The following KHDRBS2 variants were observed in gnomAD, a reference collection of about 807,000 sequenced individuals.
KHDRBS2 encodes KH RNA binding domain containing, signal transduction associated 2.
A neutral mutation model predicts 44.3 loss-of-function variants in KHDRBS2; 26 were observed. The observed-to-expected ratio is 0.59, with a 90% CI of 0.43 to 0.81. KHDRBS2 has a LOEUF of 0.81. KHDRBS2 is among the 40% of genes least tolerant of loss of function. KHDRBS2 has a pLI of 0.00. For missense variants in KHDRBS2, 476 were observed against 433.1 expected (o/e 1.10, Z -0.88); for synonymous variants, 194 against 151.1 (o/e 1.28, Z -2.08).
chr6:61,615,879 TAG>T, the KHDRBS2 span, among the ~76,000 whole-genome samples: 1 of 152,212 alleles, frequency 6.6e-6, no homozygotes, highest in Admixed American at 6.5e-5. Flanking sequence ...GAGGAAAAAT[TAG>T]AGATATGGCC....
chr6:61,996,568 T>C (rs530872297), intron 3 of KHDRBS2, among the ~76,000 whole-genome samples: 1 of 152,282 alleles, frequency 6.6e-6, no homozygotes, highest in Non-Finnish European at 1.5e-5. Flanking sequence ...GAATGGTTAG[T>C]AGAGGGCAAA....
the KHDRBS2 span, among the ~76,000 whole-genome samples, chr6:61,648,837 C>T: frequency 2.4e-4 from 37 of 152,162 alleles, no homozygotes; most frequent in African/African-American, 7.7e-4. Context: ...AGATTTAGTG[C>T]GGCCCTCCTA....
At chr6:61,919,292 G>A (rs1446731987) in intron 4 of KHDRBS2, among the ~76,000 whole-genome samples, 2 of 151,832 alleles carry the variant, frequency 1.3e-5, no homozygotes, top group Non-Finnish European at 2.9e-5. Context: ...AAATACAAAA[G>A]GAAGACATCT....
At chr6:61,963,356 A>C (rs1274516311) in intron 4 of KHDRBS2, among the ~76,000 whole-genome samples, 1 of 152,112 alleles carries the variant, frequency 6.6e-6, no homozygotes, top group Non-Finnish European at 1.5e-5. Context: ...GAACTAACTC[A>C]CTTTACAAAA....
intron 6 of KHDRBS2, among the ~76,000 whole-genome samples, chr6:61,793,891 G>T (rs1192072): frequency 0.64 from 97,361 of 151,812 alleles, 31,953 homozygotes; most frequent in African/African-American, 0.79. Flanking sequence ...CTTTGAATTA[G>T]AGGGGTGTTA....
intron 1 of KHDRBS2, among the ~76,000 whole-genome samples, chr6:62,194,677 T>C (rs1040961485): frequency 4.0e-5 from 6 of 151,382 alleles, no homozygotes; most frequent in African/African-American, 1.5e-4. Flanking sequence ...CAGCTAACTT[T>C]TGTATTTTTA....
the KHDRBS2 span, among the ~76,000 whole-genome samples, chr6:61,618,208 T>C: frequency 6.6e-6 from 1 of 152,170 alleles, no homozygotes; most frequent in East Asian, 1.9e-4. Flanking sequence ...GGGGCACTAT[T>C]TTGAGTCCAA....
chr6:61,823,410 C>T (rs995824630), intron 6 of KHDRBS2, among the ~76,000 whole-genome samples: 1 of 151,982 alleles, frequency 6.6e-6, no homozygotes, highest in Non-Finnish European at 1.5e-5. Flanking sequence ...ATTCTTTACA[C>T]AAATTTTATG....
At chr6:61,721,625 A>G (rs1479908839) in intron 7 of KHDRBS2, among the ~76,000 whole-genome samples, 1 of 125,460 alleles carries the variant, frequency 8.0e-6, no homozygotes, top group African/African-American at 2.7e-5. Flanking sequence ...TTATACATTG[A>G]TTTTGTATCC....
rs1698148052 is a variant in KHDRBS2 at position 61,973,670 on chromosome 6, GTTACACAC to G, written c.483+4388_483+4395del. Among the ~76,000 whole-genome samples, 3 of 151,966 alleles carry G rather than the reference GTTACACAC, an allele frequency of 2.0e-5. No individual in the cohort carries two copies. In the South Asian group the frequency reaches 6.2e-4, roughly 32 times the overall value. On this transcript the variant is annotated intron_variant, in intron 4 of 8. Transcript: ENST00000281156. The stretch of plus-strand genomic sequence containing the variant: ...AATCTTATATATGAGTCTAGTAACA[GTTACACAC>G]ATACACACACACGTTTACATAAGTA...
chr6:62,017,301 C>A (rs151156934), intron 3 of KHDRBS2, among the ~76,000 whole-genome samples: 2,459 of 152,152 alleles, frequency 0.016, 32 homozygotes, highest in Middle Eastern at 0.061. Context: ...AATATTTAGA[C>A]TTGCCACCAG....
At chr6:62,246,183 T>C (rs1431654717) in intron 1 of KHDRBS2, among the ~76,000 whole-genome samples, 1 of 149,866 alleles carries the variant, frequency 6.7e-6, no homozygotes, top group Non-Finnish European at 1.5e-5. Context: ...CCTTGTTTTA[T>C]CTGTAAAAGA....
chr6:61,631,588 C>A, the KHDRBS2 span, among the ~76,000 whole-genome samples: 2 of 152,120 alleles, frequency 1.3e-5, no homozygotes, highest in African/African-American at 4.8e-5. Context: ...GAATGTCAAC[C>A]AGAGAATTCT....
Position 62,286,156 on chromosome 6 carries a change from C to T in KHDRBS2, c.-208G>A. The T allele has an allele frequency of 1.8e-6, 1 of 556,140 alleles. No homozygotes were observed. Among genetic ancestry groups the T allele is most frequent in the East Asian group, 3.3e-5 (1 of 30,278 alleles). The allele number at this position is 556,140 out of a possible 1,614,324, so 34.5% of individuals were successfully genotyped here. A position where few individuals can be genotyped will look rare whatever the true frequency, so the allele number is the denominator to read the frequency against. ...CCGCGCCCACACCTGCCCGTCCCTT[C>T]CGTCGTCCCTCGCTCGCGCAGAGCC... On this transcript the variant is annotated 5_prime_UTR_variant, in exon 1 of 9. Transcript: ENST00000281156.
At chr6:62,242,602 T>C (rs1264811896) in intron 1 of KHDRBS2, among the ~76,000 whole-genome samples, 3 of 151,920 alleles carry the variant, frequency 2.0e-5, no homozygotes, top group African/African-American at 4.8e-5. Context: ...AGGAGAACCA[T>C]TGGTAATACA....
At position 61,708,309 on chromosome 6, in the gene KHDRBS2, A is replaced by T. The variant is rs575411550; in HGVS notation, c.894-11056T>A. Among the ~76,000 whole-genome samples, 24 of 151,748 alleles carry T rather than the reference A, an allele frequency of 1.6e-4. No individual in the cohort carries two copies. The East Asian group carries it at 4.5e-3, about 28-fold the overall frequency. Reference sequence around the variant, plus strand: ...ATATTCAAAGAAGCAGAAATATCTCAACAATTTTTACTCAAAAATTGAAAA... The same window carrying T: ...ATATTCAAAGAAGCAGAAATATCTCTACAATTTTTACTCAAAAATTGAAAA... On this transcript the variant is annotated intron_variant, in intron 7 of 8. Transcript: ENST00000281156.
chr6:62,160,367 T>G (rs1384735591), intron 2 of KHDRBS2, among the ~76,000 whole-genome samples: 1 of 152,134 alleles, frequency 6.6e-6, no homozygotes, highest in African/African-American at 2.4e-5. Context: ...AAGAAAGTGT[T>G]ATCCAAAGAG....
At chr6:61,613,121 G>T in the KHDRBS2 span, among the ~76,000 whole-genome samples, 1 of 152,032 alleles carries the variant, frequency 6.6e-6, no homozygotes, top group Non-Finnish European at 1.5e-5. Flanking sequence ...CAAAGTGCTG[G>T]GATTACAGGC....
intron 4 of KHDRBS2, among the ~76,000 whole-genome samples, chr6:61,907,139 T>C (rs1805189018): frequency 6.6e-6 from 1 of 152,208 alleles, no homozygotes; most frequent in Non-Finnish European, 1.5e-5. Flanking sequence ...TTGATTTGCA[T>C]TTCTCCGATG....
Sources: allele counts gnomAD v4.1 joint callset (sites outside exome capture counted in the v4.1 genomes callset), GRCh38; gene constraint gnomAD v4.1.1; transcripts MANE v1.5; gene names NCBI Gene and HGNC (gene_info 2026-07-23, HGNC 2026-07-21).